The following STOX2 variants were observed in gnomAD, a reference collection of about 807,000 sequenced individuals.
STOX2 encodes storkhead-box protein 2.
In STOX2, 28 loss-of-function variants were observed where a neutral mutation model predicts 60.9. The ratio of observed to expected loss-of-function variants is 0.46; its 90% CI spans 0.34 to 0.63. STOX2 has a LOEUF of 0.63. STOX2 is among the 30% of genes least tolerant of loss of function. The probability of loss-of-function intolerance (pLI) is 0.01; values close to 1 mark genes in which losing one functional copy is unlikely to be tolerated. For missense variants in STOX2, 1,024 were observed against 1,187.7 expected (o/e 0.86, Z 2.03); for synonymous variants, 472 against 463.9 (o/e 1.02, Z -0.22).
chr4:183,843,328 C>T (rs186448941), intron 1 of STOX2, among the ~76,000 whole-genome samples: 8 of 152,166 alleles, frequency 5.3e-5, no homozygotes, highest in South Asian at 4.2e-4. Flanking sequence ...CGTAGGACTC[C>T]GCAGAACTCA....
At chr4:183,939,981 G>T (rs1257543094) in intron 1 of STOX2, among the ~76,000 whole-genome samples, 2 of 152,230 alleles carry the variant, frequency 1.3e-5, no homozygotes, top group African/African-American at 4.8e-5. Context: ...TCAGCTCACT[G>T]CAGCCTCCGC....
In STOX2 at chr4:183,983,302, C is replaced by T. The variant is rs143135674; in HGVS notation, c.167-18023C>T. Among the ~76,000 whole-genome samples, 5 of 152,270 alleles carry T rather than the reference C, an allele frequency of 3.3e-5. No homozygotes were observed. In the East Asian group the frequency reaches 7.7e-4, roughly 24 times the overall value. On this transcript the variant is annotated intron_variant, in intron 1 of 3. Transcript: ENST00000308497. ...TCAGAAATAACCATCTTTCTTTGCTCTCCTGGTCCTCTTTCCCTCTTTGCC... is the reference window on the plus strand; with the variant it reads ...TCAGAAATAACCATCTTTCTTTGCTTTCCTGGTCCTCTTTCCCTCTTTGCC...
intron 1 of STOX2, among the ~76,000 whole-genome samples, chr4:183,945,320 A>T (rs1742857188): frequency 6.6e-6 from 1 of 152,220 alleles, no homozygotes; most frequent in Non-Finnish European, 1.5e-5. Flanking sequence ...TCTGATTTTA[A>T]CATGAGGGTA....
At chr4:183,823,743 C>G (rs1198947889) in intron 1 of STOX2, among the ~76,000 whole-genome samples, 5 of 152,230 alleles carry the variant, frequency 3.3e-5, no homozygotes. Context: ...GGTTTGAAAA[C>G]TTACCTGATG....
At chr4:183,917,744 G>T (rs1410482476) in intron 1 of STOX2, among the ~76,000 whole-genome samples, 1 of 152,194 alleles carries the variant, frequency 6.6e-6, no homozygotes, top group Non-Finnish European at 1.5e-5. Context: ...CCTTATTTGT[G>T]AGAGTGGCTT....
At chr4:183,980,699 G>GTT (rs5864862) in intron 1 of STOX2, among the ~76,000 whole-genome samples, 4 of 148,956 alleles carry the variant, frequency 2.7e-5, no homozygotes, top group Middle Eastern at 3.4e-3. Context: ...CTTATTCATA[G>GTT]TTTTTTTTTT....
chr4:183,832,739 C>T (rs1739602479), intron 1 of STOX2, among the ~76,000 whole-genome samples: 1 of 152,206 alleles, frequency 6.6e-6, no homozygotes, highest in African/African-American at 2.4e-5. Context: ...ATCCGCCTGC[C>T]TTGGCCTCCC....
intron 1 of STOX2, among the ~76,000 whole-genome samples, chr4:183,874,952 AATATATATATATATATATATAT>A (rs759209967): frequency 0.017 from 769 of 44,580 alleles, 6 homozygotes; most frequent in Middle Eastern, 0.042. Context: ...AAAAAAAAAA[AATATATATATATATATATATAT>A]ATATATATAT....
intron 1 of STOX2, among the ~76,000 whole-genome samples, chr4:183,892,323 G>A (rs1363009413): frequency 2.6e-5 from 4 of 152,212 alleles, no homozygotes; most frequent in Non-Finnish European, 5.9e-5. Context: ...CTGTCGCCCA[G>A]GCTGGAGTGC....
intron 1 of STOX2, among the ~76,000 whole-genome samples, chr4:183,973,228 A>G (rs749575839): frequency 2.0e-5 from 3 of 152,248 alleles, no homozygotes; most frequent in Non-Finnish European, 4.4e-5. Context: ...AAGAAGCTGA[A>G]CAAACCTAAA....
Position 184,011,613 on chromosome 4 carries a change from G to C in STOX2, c.2585+190G>C. 1 of 1,523,566 alleles carries C rather than the reference G, an allele frequency of 6.6e-7. No individual in the cohort carries two copies. The highest frequency in any genetic ancestry group is 8.8e-7 in the Non-Finnish European group (1 of 1,139,714). 94.4% of individuals were successfully genotyped at this position (1,523,566 alleles called of 1,614,324 possible). A position where few individuals can be genotyped will look rare whatever the true frequency, so the allele number is the denominator to read the frequency against. ...AATTGAAAAAAATGTTTCTGCACCTGTAGAGATCACCAATCTGGACTGGTG... is the reference window on the plus strand; with the variant it reads ...AATTGAAAAAAATGTTTCTGCACCTCTAGAGATCACCAATCTGGACTGGTG... On this transcript the variant is annotated intron_variant, in intron 3 of 3. Coordinates refer to ENST00000308497, the MANE Select transcript of STOX2 (RefSeq NM_020225.3). The surrounding 1 kb of genome is among the most constrained non-coding windows in gnomAD (Gnocchi z 4.4).
chr4:183,970,056 C>T lies in STOX2; in HGVS notation c.167-31269C>T, dbSNP rs186965834. Reference sequence around the variant, plus strand: ...ATTCCTGTCTCAATAGAGACTGTGCCGCAGTGCTCTTGGCCCATGCATGAA... The same window carrying T: ...ATTCCTGTCTCAATAGAGACTGTGCTGCAGTGCTCTTGGCCCATGCATGAA... On this transcript the variant is annotated intron_variant, in intron 1 of 3. Coordinates refer to ENST00000308497, the MANE Select transcript of STOX2 (RefSeq NM_020225.3). Among the ~76,000 whole-genome samples, 8 of 151,892 alleles carry T rather than the reference C, an allele frequency of 5.3e-5. No individual in the cohort carries two copies. The South Asian group carries it at 1.0e-3, about 20-fold the overall frequency.
chr4:183,799,967 A>G (rs1738722749), intron 1 of STOX2, among the ~76,000 whole-genome samples: 1 of 152,094 alleles, frequency 6.6e-6, no homozygotes, highest in Admixed American at 6.5e-5. Context: ...CCCTCAGAGG[A>G]AGCAGAGGGA....
At chr4:183,822,712 ACT>A (rs1425927460) in intron 1 of STOX2, among the ~76,000 whole-genome samples, 2 of 151,692 alleles carry the variant, frequency 1.3e-5, no homozygotes, top group Non-Finnish European at 2.9e-5. Context: ...CTCGCCTGCC[ACT>A]CTCCTCCTTC....
At chr4:183,799,550 T>C (rs543679559) in intron 1 of STOX2, among the ~76,000 whole-genome samples, 5 of 152,354 alleles carry the variant, frequency 3.3e-5, no homozygotes, top group African/African-American at 9.6e-5. Context: ...ACAAAAGTAG[T>C]ATAACTCAAA....
rs1225723250 is a variant in STOX2 at position 184,009,211 on chromosome 4, C to T, written c.373C>T (p.Arg125Trp). Residue 125 changes from arginine to tryptophan, a missense_variant, in exon 3 of 4, where the codon CGG becomes TGG. This residue lies in a region of STOX2 where 922 missense variants were observed against 1,058.3 expected (regional missense o/e 0.87). Coordinates refer to ENST00000308497, the MANE Select transcript of STOX2 (RefSeq NM_020225.3). This position sits in a 1 kb window ranked among gnomAD's most constrained non-coding sequence, Gnocchi z 4.0. Reference sequence around the variant, plus strand: ...GCGGCACACGCTGAACACGCTGGTACGGGAGAGGAAGATCTACCCAACTCC... The same window carrying T: ...GCGGCACACGCTGAACACGCTGGTATGGGAGAGGAAGATCTACCCAACTCC... The part of the protein sequence containing the change: ...ILRHTLNTLV[R>W]ERKIYPTPDG... 2 of 1,445,088 alleles carry T rather than the reference C, an allele frequency of 1.4e-6. No individual in the cohort carries two copies. Among genetic ancestry groups the T allele is most frequent in the Non-Finnish European group, 1.9e-6 (2 of 1,070,816 alleles). The allele number at this position is 1,445,088 out of a possible 1,614,324, so 89.5% of individuals were successfully genotyped here.
chr4:183,823,952 C>T (rs1394469954), intron 1 of STOX2, among the ~76,000 whole-genome samples: 1 of 150,042 alleles, frequency 6.7e-6, no homozygotes, highest in Non-Finnish European at 1.5e-5. Flanking sequence ...TCAAATGCGG[C>T]TTCAGGTCTT....
intron 1 of STOX2, among the ~76,000 whole-genome samples, chr4:183,923,215 G>A (rs543937567): frequency 2.0e-5 from 3 of 152,332 alleles, no homozygotes; most frequent in South Asian, 4.1e-4. Context: ...GTTTTTCACA[G>A]TGGTTGCACC....
chr4:183,818,722 G>C (rs1010071475), intron 1 of STOX2, among the ~76,000 whole-genome samples: 4 of 151,062 alleles, frequency 2.6e-5, no homozygotes, highest in Admixed American at 6.6e-5. Flanking sequence ...GCTGGGCGGG[G>C]GCTGACTCCC....
Sources: allele counts gnomAD v4.1 joint callset (sites outside exome capture counted in the v4.1 genomes callset), GRCh38; gene constraint gnomAD v4.1.1; regional missense constraint gnomAD v4.1.1; non-coding constraint Gnocchi (gnomAD v3.1); transcripts MANE v1.5; gene names NCBI Gene and HGNC (gene_info 2026-07-23, HGNC 2026-07-21).